Variants in TMEM217B observed in about 807,000 individuals in gnomAD.
TMEM217B encodes putative transmembrane protein 217B.
the TMEM217B span, chr6:37,218,534 T>C: frequency 6.2e-7 from 1 of 1,614,052 alleles, no homozygotes; most frequent in Non-Finnish European, 8.5e-7. Flanking sequence ...AATTCGTCTC[T>C]TGTAGGAAAT....
chr6:37,246,708 G>A, the TMEM217B span, among the ~76,000 whole-genome samples: 3 of 152,126 alleles, frequency 2.0e-5, no homozygotes, highest in Non-Finnish European at 4.4e-5. Flanking sequence ...TTTGAGACTA[G>A]CCTGGGCAAC....
At chr6:37,257,288 T>A in the TMEM217B span, among the ~76,000 whole-genome samples, 2 of 152,154 alleles carry the variant, frequency 1.3e-5, no homozygotes, top group Non-Finnish European at 2.9e-5. Flanking sequence ...GTTGAACAGT[T>A]AGCAATCCCG....
At chr6:37,253,821 T>G in the TMEM217B span, among the ~76,000 whole-genome samples, 1 of 152,236 alleles carries the variant, frequency 6.6e-6, no homozygotes, top group South Asian at 2.1e-4. Context: ...CTTCAGGCCT[T>G]TCTCTTTCCT....
the TMEM217B span, among the ~76,000 whole-genome samples, chr6:37,240,122 C>T: frequency 6.6e-6 from 1 of 152,178 alleles, no homozygotes. Context: ...GTTTTGCCCT[C>T]TGAACTCTTG....
the TMEM217B span, among the ~76,000 whole-genome samples, chr6:37,215,598 A>G: frequency 5.2e-5 from 7 of 135,632 alleles, no homozygotes; most frequent in South Asian, 2.4e-4. Context: ...AAAAAAAAAA[A>G]AAAGAAAAGA....
the TMEM217B span, among the ~76,000 whole-genome samples, chr6:37,255,176 G>A: frequency 1.3e-5 from 2 of 152,236 alleles, no homozygotes; most frequent in South Asian, 2.1e-4. Flanking sequence ...TAGTGATAGC[G>A]CTTTAAAGAA....
At chr6:37,229,149 G>A in the TMEM217B span, among the ~76,000 whole-genome samples, 1 of 152,026 alleles carries the variant, frequency 6.6e-6, no homozygotes, top group Non-Finnish European at 1.5e-5. Context: ...ATAGTTTCAA[G>A]AGGGAGGTGT....
the TMEM217B span, among the ~76,000 whole-genome samples, chr6:37,234,566 T>G: frequency 6.6e-6 from 1 of 151,860 alleles, no homozygotes; most frequent in African/African-American, 2.4e-5. Flanking sequence ...AGTGTGTGTG[T>G]AGAGGATAAG....
At chr6:37,213,320 C>T in the TMEM217B span, among the ~76,000 whole-genome samples, 7 of 152,206 alleles carry the variant, frequency 4.6e-5, no homozygotes, top group Non-Finnish European at 1.0e-4. Flanking sequence ...TCAGAGGTTC[C>T]TGTATTGAGG....
At chr6:37,244,686 A>G in the TMEM217B span, among the ~76,000 whole-genome samples, 1 of 152,200 alleles carries the variant, frequency 6.6e-6, no homozygotes, top group Non-Finnish European at 1.5e-5. Context: ...CAATAACATC[A>G]CATAAACAAC....
chr6:37,236,023 GATAA>G, the TMEM217B span, among the ~76,000 whole-genome samples: 3 of 152,176 alleles, frequency 2.0e-5, no homozygotes, highest in African/African-American at 7.2e-5. Flanking sequence ...AATAAAGCTA[GATAA>G]ATAAAAAATC....
At chr6:37,241,648 G>A in the TMEM217B span, among the ~76,000 whole-genome samples, 1 of 152,212 alleles carries the variant, frequency 6.6e-6, no homozygotes. Context: ...GGGAGCCAGA[G>A]GGATCCCCAG....
the TMEM217B span, among the ~76,000 whole-genome samples, chr6:37,255,698 A>G: frequency 6.6e-6 from 1 of 150,718 alleles, no homozygotes; most frequent in South Asian, 2.1e-4. Context: ...AAAAAAAAAA[A>G]GGTCTCTCTG....
At chr6:37,237,120 GT>G in the TMEM217B span, among the ~76,000 whole-genome samples, 1 of 152,194 alleles carries the variant, frequency 6.6e-6, no homozygotes, top group Non-Finnish European at 1.5e-5. Context: ...TTAGAAGTGA[GT>G]CACCAAGGCC....
At chr6:37,218,386 A>G in the TMEM217B span, 1 of 1,471,934 alleles carries the variant, frequency 6.8e-7, no homozygotes. Flanking sequence ...TGCCAAGGCC[A>G]GGCTGGTCTT....
chr6:37,229,373 C>T, the TMEM217B span, among the ~76,000 whole-genome samples: 7 of 103,086 alleles, frequency 6.8e-5, no homozygotes, highest in Admixed American at 6.1e-4. Flanking sequence ...GACAGTGTCT[C>T]GCTCTGTCGC....
chr6:37,225,993 T>C, the TMEM217B span, among the ~76,000 whole-genome samples: 1 of 152,182 alleles, frequency 6.6e-6, no homozygotes, highest in Non-Finnish European at 1.5e-5. Context: ...AAATCAGCCA[T>C]TGTCTTTTGG....
chr6:37,237,736 A>G, the TMEM217B span, among the ~76,000 whole-genome samples: 1 of 152,216 alleles, frequency 6.6e-6, no homozygotes, highest in Non-Finnish European at 1.5e-5. Flanking sequence ...AATATGGTAG[A>G]ATCTTAACAA....
the TMEM217B span, among the ~76,000 whole-genome samples, chr6:37,229,346 T>TG: frequency 7.8e-6 from 1 of 128,202 alleles, no homozygotes. Context: ...TTTTTTTTTT[T>TG]TTTTTTTTTT....
Sources: gnomAD v4.1 joint callset for allele counts (sites outside exome capture counted in the v4.1 genomes callset) on GRCh38, gnomAD v4.1.1 for gene constraint, MANE v1.5 for transcripts, NCBI Gene and HGNC (gene_info 2026-07-23, HGNC 2026-07-21) for gene names.